Variants in SPR observed in about 807,000 individuals in gnomAD.
SPR encodes the protein sepiapterin reductase.
A neutral mutation model predicts 16.0 loss-of-function variants in SPR; 12 were observed. The ratio of observed to expected loss-of-function variants is 0.75; its 90% CI spans 0.48 to 1.22. SPR has a LOEUF of 1.22. SPR is among the 50% of genes most tolerant of loss of function. The pLI is 0.00. For missense variants in SPR, 324 were observed against 344.4 expected, an observed-to-expected ratio of 0.94 and a Z score of 0.47; for synonymous variants, 177 against 168.5, an observed-to-expected ratio of 1.05 and a Z score of -0.39.
intron 2 of SPR, among the ~76,000 whole-genome samples, chr2:72,890,239 A>G (rs1212996373): frequency 6.6e-6 from 1 of 152,218 alleles, no homozygotes; most frequent in Non-Finnish European, 1.5e-5. Flanking sequence ...GTGTGCCCAG[A>G]GGAGGGCAGA....
intron 2 of SPR, among the ~76,000 whole-genome samples, chr2:72,890,466 C>T (rs780666705): frequency 1.3e-4 from 20 of 152,112 alleles, no homozygotes; most frequent in Non-Finnish European, 1.9e-4. Context: ...CTCAGCCTCC[C>T]GAGTAGCTGG....
In SPR at chr2:72,889,250, T is replaced by G. The variant is rs576755431; in HGVS notation, c.595+646T>G. 9.2e-5 allele frequency among the ~76,000 whole-genome samples: 14 copies of G among 152,316 alleles called. 1 individual carries two copies. In the South Asian group the frequency reaches 2.9e-3, roughly 32 times the overall value. ...GGGATAAATAGAATAGATCCCTTGC[T>G]CTCATGAACGCCAAAGGACAGGGAG... On this transcript the variant is annotated intron_variant, in intron 2 of 2. Transcript: ENST00000234454.
intron 2 of SPR, among the ~76,000 whole-genome samples, chr2:72,888,839 T>A (rs1418249812): frequency 3.3e-5 from 5 of 152,070 alleles, no homozygotes; most frequent in Non-Finnish European, 7.4e-5. Context: ...GGCAGGAAGG[T>A]CTGAGGTATT....
chr2:72,887,677 C>T lies in SPR; in HGVS notation c.245C>T (p.Ala82Val), dbSNP rs1329252382. 2.7e-6 allele frequency: 4 copies of T among 1,498,170 alleles called. No homozygotes were observed. The highest frequency in any genetic ancestry group is 2.7e-5 in the East Asian group (1 of 36,588). 92.8% of individuals were successfully genotyped at this position (1,498,170 alleles called of 1,614,324 possible). The change falls in exon 1 of 3, where the codon GCC becomes GTC. Residue 82 changes from alanine to valine, a missense_variant. Physicochemically the swap from Ala to Val is moderately conservative, Grantham distance 64 (BLOSUM62 0). Coordinates refer to ENST00000234454, the MANE Select transcript of SPR (RefSeq NM_003124.5). ...GCCGGCTTGCAGCAGCTGCTCGGCG[C>T]CCTGCGCGAGCTCCCCCGGCCCAAG... Reference protein sequence around the residue: ...AEAGLQQLLGALRELPRPKGL... With the variant: ...AEAGLQQLLGVLRELPRPKGL...
intron 2 of SPR, among the ~76,000 whole-genome samples, chr2:72,889,844 G>A (rs1489121047): frequency 6.6e-6 from 1 of 152,204 alleles, no homozygotes; most frequent in Non-Finnish European, 1.5e-5. Context: ...GTTCTAACAG[G>A]TGCTCAGAGA....
At chr2:72,887,833 C>G in intron 1 of SPR, 97 bp downstream of exon 1, 6 of 1,261,224 alleles carry the variant, frequency 4.8e-6, no homozygotes, top group Non-Finnish European at 6.2e-6. Flanking sequence ...AGATAGGACG[C>G]CTAGAAATCT....
chr2:72,891,384 G>A lies in SPR; in HGVS notation c.633G>A (p.Glu211=), dbSNP rs751041570. The A allele has an allele frequency of 1.2e-6, 2 of 1,614,182 alleles. No individual in the cohort carries two copies. The highest frequency in any genetic ancestry group is 1.7e-6 in the Non-Finnish European group (2 of 1,180,032). Residue 211 remains glutamate (E), a synonymous_variant, in exon 3 of 3, where the codon GAG becomes GAA. Transcript: ENST00000234454. The stretch of plus-strand genomic sequence containing the variant: ...CAGACATGCAGCAGTTGGCCCGGGA[G>A]ACCTCCGTGGACCCAGACATGCGAA... ...LDTDMQQLAR[E]TSVDPDMRKG... is the part of the protein sequence containing the mutation.
Position 72,892,119 on chromosome 2 carries a change from C to T in SPR, c.*582C>T, listed in dbSNP as rs569211282. 1.2e-5 allele frequency: 2 copies of T among 162,672 alleles called. No homozygotes were observed. The highest frequency in any genetic ancestry group is 1.7e-4 in the South Asian group (1 of 6,002). The allele number at this position is 162,672 out of a possible 1,614,324, so 10.1% of individuals were successfully genotyped here. ...AGGGGCTCCTGGGTGTCTGTATACA[C>T]GCCAAAGGCAGATACAAATAAAATA... On this transcript the variant is annotated 3_prime_UTR_variant, in exon 3 of 3. Transcript: ENST00000234454.
chr2:72,891,070 T>C (rs915438166), intron 2 of SPR, among the ~76,000 whole-genome samples: 1 of 152,128 alleles, frequency 6.6e-6, no homozygotes, highest in Non-Finnish European at 1.5e-5. Context: ...GAAATGGGAA[T>C]GTCAGGAGGT....
At chr2:72,890,089 T>C (rs1453810897) in intron 2 of SPR, among the ~76,000 whole-genome samples, 1 of 152,198 alleles carries the variant, frequency 6.6e-6, no homozygotes, top group Non-Finnish European at 1.5e-5. Context: ...GTGGGGAGAC[T>C]AGAGATGGCT....
Position 72,887,559 on chromosome 2 carries a change from A to C in SPR, c.127A>C (p.Asn43His), listed in dbSNP as rs1334951192. ...PGSVLVLSARNDEALRQLEAE... is the reference protein window; with the variant it reads ...PGSVLVLSARHDEALRQLEAE... Reference sequence around the variant, plus strand: ...CTCCGTGCTTGTCCTTAGCGCCCGCAACGACGAGGCACTGCGCCAGCTGGA... The same window carrying C: ...CTCCGTGCTTGTCCTTAGCGCCCGCCACGACGAGGCACTGCGCCAGCTGGA... Residue 43 changes from asparagine (N) to histidine (H), a missense_variant, in exon 1 of 3, where the codon AAC (asparagine) becomes CAC (histidine). By Grantham distance (68) the Asn-to-His change is moderately conservative (BLOSUM62 1). Coordinates refer to ENST00000234454, the MANE Select transcript of SPR (RefSeq NM_003124.5). The C allele has an allele frequency of 6.9e-7, 1 of 1,454,278 alleles. No homozygotes were observed. Among genetic ancestry groups the C allele is most frequent in the African/African-American group, 1.5e-5 (1 of 67,832 alleles). 90.1% of individuals were successfully genotyped at this position (1,454,278 alleles called of 1,614,324 possible). A position where few individuals can be genotyped will look rare whatever the true frequency, so the allele number is the denominator to read the frequency against.
intron 2 of SPR, 114 bp from the exon 3 acceptor site, chr2:72,891,233 G>T: frequency 9.3e-7 from 1 of 1,080,376 alleles, no homozygotes; most frequent in Non-Finnish European, 1.4e-6. Context: ...CCAAGATGAC[G>T]TGTTTCCTCT....
In SPR at chr2:72,888,410, T is replaced by C. The variant is rs1670573817; in HGVS notation, c.401T>C (p.Leu134Pro). The change falls in exon 2 of 3, where the codon CTG (leucine) becomes CCG (proline). Residue 134 changes from leucine to proline, a missense_variant. Coordinates refer to ENST00000234454, the MANE Select transcript of SPR (RefSeq NM_003124.5). ...CTGAACTTGACCTCCATGCTCTGCC[T>C]GACTTCCAGCGTCCTGAAGGCCTTC... ...WALNLTSMLC[L>P]TSSVLKAFPD... 1 of 1,614,118 alleles carries C rather than the reference T, an allele frequency of 6.2e-7. No individual in the cohort carries two copies. Among genetic ancestry groups the C allele is most frequent in the African/African-American group, 1.3e-5 (1 of 75,068 alleles).
chr2:72,887,593 T>C lies in SPR; in HGVS notation c.161T>C (p.Leu54Pro). The change falls in exon 1 of 3, where the codon CTG becomes CCG. Residue 54 changes from leucine to proline, a missense_variant. By Grantham distance (98) the Leu-to-Pro change is moderately conservative. Transcript: ENST00000234454. ...DEALRQLEAE[L>P]GAERSGLRVV... is the part of the protein sequence containing the mutation. ...GCACTGCGCCAGCTGGAGGCCGAGC[T>C]GGGCGCCGAGCGGTCTGGCCTGCGC... 7.1e-7 allele frequency: 1 copy of C among 1,404,004 alleles called. No individual in the cohort carries two copies. 87.0% of individuals were successfully genotyped at this position (1,404,004 alleles called of 1,614,324 possible).
chr2:72,888,277 G>T (rs756992754), intron 1 of SPR, 37 bp from the exon 2 acceptor site: 2 of 1,610,478 alleles, frequency 1.2e-6, no homozygotes, highest in South Asian at 2.2e-5. Flanking sequence ...AGAAAGCCCC[G>T]CCTGCACTGA....
At position 72,888,451 on chromosome 2, in the gene SPR, C is replaced by A. The variant is rs769963763; in HGVS notation, c.442C>A (p.Leu148Ile). Reference sequence around the variant, plus strand: ...GAAGGCCTTCCCGGACAGTCCTGGCCTCAACAGAACCGTGGTTAACATCTC... The same window carrying A: ...GAAGGCCTTCCCGGACAGTCCTGGCATCAACAGAACCGTGGTTAACATCTC... ...VLKAFPDSPGLNRTVVNISSL... is the reference protein window; with the variant it reads ...VLKAFPDSPGINRTVVNISSL... The change falls in exon 2 of 3, where the codon CTC becomes ATC. Residue 148 changes from leucine (L) to isoleucine (I), a missense_variant. Leu to Ile is a conservative substitution (Grantham distance 5, BLOSUM62 2). Coordinates refer to ENST00000234454, the MANE Select transcript of SPR (RefSeq NM_003124.5). The A allele has an allele frequency of 6.2e-7, 1 of 1,614,054 alleles. No individual in the cohort carries two copies. The highest frequency in any genetic ancestry group is 8.5e-7 in the Non-Finnish European group (1 of 1,179,976).
chr2:72,891,314 A>C, intron 2 of SPR, 33 bp from the exon 3 acceptor site: 1 of 1,613,510 alleles, frequency 6.2e-7, no homozygotes, highest in Middle Eastern at 1.7e-4. Context: ...TGCCTTGGCC[A>C]TGTTCCCTCA....
chr2:72,888,219 C>G (rs943077445), intron 1 of SPR, 95 bp from the exon 2 acceptor site: 9 of 1,269,228 alleles, frequency 7.1e-6, no homozygotes, highest in Non-Finnish European at 1.0e-5. Context: ...TCCTCTAGGT[C>G]TGCATGGGAA....
Position 72,887,684 on chromosome 2 carries a change from C to A in SPR, c.252C>A (p.Arg84=). The change falls in exon 1 of 3, where the codon CGC becomes CGA. Residue 84 remains arginine (R), a synonymous_variant. Coordinates refer to ENST00000234454, the MANE Select transcript of SPR (RefSeq NM_003124.5). ...AGLQQLLGAL[R]ELPRPKGLQR... ...TGCAGCAGCTGCTCGGCGCCCTGCG[C>A]GAGCTCCCCCGGCCCAAGGGGCTGC... 6.7e-7 allele frequency: 1 copy of A among 1,499,552 alleles called. No individual in the cohort carries two copies. The highest frequency in any genetic ancestry group is 8.8e-7 in the Non-Finnish European group (1 of 1,131,196). 92.9% of individuals were successfully genotyped at this position (1,499,552 alleles called of 1,614,324 possible).
Sources: gnomAD v4.1 joint callset for allele counts (sites outside exome capture counted in the v4.1 genomes callset) on GRCh38, gnomAD v4.1.1 for gene constraint, MANE v1.5 for transcripts, NCBI Gene and HGNC (gene_info 2026-07-23, HGNC 2026-07-21) for gene names.